ULK4: variants seen among roughly 807,000 people sequenced by gnomAD.
The protein encoded by ULK4 is unc-51 like kinase 4.
Under a neutral mutation model 160.6 loss-of-function variants are expected in ULK4, and 133 were observed. The observed-to-expected ratio is 0.83, with a 90% CI of 0.72 to 0.96. The LOEUF is 0.96. Among genes scored for constraint, ULK4 ranks in the 40% least tolerant of loss-of-function variants. ULK4 has a pLI of 0.00. For synonymous variants in ULK4, 534 were observed against 539.8 expected (o/e 0.99, Z 0.15); for missense variants, 1,580 against 1,499.5 (o/e 1.05, Z -0.89).
intron 31 of ULK4, among the ~76,000 whole-genome samples, chr3:41,594,389 A>C (rs1282266261): frequency 6.6e-6 from 1 of 151,970 alleles, no homozygotes; most frequent in Admixed American, 6.6e-5. Context: ...ACATTTTTTT[A>C]ATTAGCTGGG....
At chr3:41,490,036 C>T (rs1235404970) in intron 32 of ULK4, among the ~76,000 whole-genome samples, 1 of 152,178 alleles carries the variant, frequency 6.6e-6, no homozygotes, top group Non-Finnish European at 1.5e-5. Context: ...GCTATCTTCA[C>T]CCACTCAACC....
At chr3:41,558,879 TATTTA>T (rs1416436733) in intron 32 of ULK4, among the ~76,000 whole-genome samples, 4 of 151,442 alleles carry the variant, frequency 2.6e-5, no homozygotes, top group African/African-American at 9.7e-5. Context: ...TTTATTTATT[TATTTA>T]TTTTATTACA....
chr3:41,291,165 A>G (rs536350608), intron 35 of ULK4, among the ~76,000 whole-genome samples: 1 of 152,148 alleles, frequency 6.6e-6, no homozygotes, highest in East Asian at 1.9e-4. Context: ...CCTGTCTTCA[A>G]TTCCTTCCTG....
chr3:41,438,176 T>A (rs1027886873), intron 34 of ULK4, among the ~76,000 whole-genome samples: 2 of 151,662 alleles, frequency 1.3e-5, no homozygotes, highest in African/African-American at 2.4e-5. Flanking sequence ...AAAATAATTA[T>A]CGAGAAATAC....
intron 32 of ULK4, among the ~76,000 whole-genome samples, chr3:41,472,338 G>A (rs946228444): frequency 6.6e-6 from 1 of 152,092 alleles, no homozygotes; most frequent in African/African-American, 2.4e-5. Flanking sequence ...GGAGGCCAAG[G>A]CAGGCAGATG....
At chr3:41,305,965 G>A (rs1370816317) in intron 35 of ULK4, among the ~76,000 whole-genome samples, 2 of 147,122 alleles carry the variant, frequency 1.4e-5, no homozygotes, top group Non-Finnish European at 3.0e-5. Flanking sequence ...TCTGAGAAGT[G>A]AGGAGACCCT....
intron 18 of ULK4, among the ~76,000 whole-genome samples, chr3:41,832,221 A>G (rs1472354810): frequency 6.6e-6 from 1 of 152,162 alleles, no homozygotes; most frequent in African/African-American, 2.4e-5. Context: ...TGACTTTTTA[A>G]TAATTGCCAT....
rs1376502977 is a variant in ULK4, at chr3:41,931,854, AC to A, written c.530del (p.Ser177IlefsTer15). 2 of 1,613,988 alleles carry A rather than the reference AC, an allele frequency of 1.2e-6. No homozygotes were observed. The highest frequency in any genetic ancestry group is 3.3e-5 in the Admixed American group (2 of 60,004). On this transcript the variant is annotated frameshift_variant, in exon 5 of 37. Coordinates refer to ENST00000301831, the MANE Select transcript of ULK4 (RefSeq NM_017886.4). LOFTEE classifies it high-confidence loss of function. ...GENVLKKSMK[S>X]RVKGSPVYTA... ...TCCAGGTCCACATACCTTTGACTCT[AC>A]TTTTCATGCTTTTCTTCAGGACATT...
Position 41,890,689 on chromosome 3 carries a change from GAAAGA to G in ULK4, c.1577+4824_1577+4828del, listed in dbSNP as rs888738023. On this transcript the variant is annotated intron_variant, in intron 16 of 36. Coordinates refer to ENST00000301831, the MANE Select transcript of ULK4 (RefSeq NM_017886.4). Reference sequence around the variant, plus strand: ...GCAAGACTCTGTCTCAAAATAAACAGAAAGAAAAGAAGGGAAGGAAGGGACAGGAG... The same window carrying G: ...GCAAGACTCTGTCTCAAAATAAACAGAAAGAAGGGAAGGAAGGGACAGGAG... 2.7e-4 allele frequency among the ~76,000 whole-genome samples: 31 copies of G among 116,532 alleles called. No homozygotes were observed. In the Middle Eastern group the frequency reaches 0.022, roughly 82 times the overall value. 76.4% of individuals were successfully genotyped at this position (116,532 alleles called of 152,430 possible).
chr3:41,949,315 G>GAC (rs150637849), intron 2 of ULK4, among the ~76,000 whole-genome samples: 5,231 of 142,058 alleles, frequency 0.037, 265 homozygotes, highest in African/African-American at 0.12. Flanking sequence ...CACACACACA[G>GAC]ACACACACAC....
intron 35 of ULK4, among the ~76,000 whole-genome samples, chr3:41,341,375 G>A (rs1453464506): frequency 1.3e-5 from 2 of 152,152 alleles, no homozygotes; most frequent in African/African-American, 2.4e-5. Context: ...GGTGGATAAA[G>A]ATACTTCCTA....
At chr3:41,897,583 TAACTC>T (rs564585182) in intron 14 of ULK4, among the ~76,000 whole-genome samples, 71 of 152,270 alleles carry the variant, frequency 4.7e-4, no homozygotes, top group African/African-American at 1.6e-3. Context: ...ATCTCCTAAA[TAACTC>T]AAAGAAGAAA....
At chr3:41,292,226 A>G (rs1032804340) in intron 35 of ULK4, among the ~76,000 whole-genome samples, 1 of 152,214 alleles carries the variant, frequency 6.6e-6, no homozygotes, top group African/African-American at 2.4e-5. Context: ...TTCTAAGTGG[A>G]AGGTGGAGAT....
chr3:41,400,333 T>A (rs983903453), intron 34 of ULK4, among the ~76,000 whole-genome samples: 1 of 151,750 alleles, frequency 6.6e-6, no homozygotes, highest in Non-Finnish European at 1.5e-5. Context: ...ATCACAAGGA[T>A]CCCATTATAG....
chr3:41,575,867 CCA>C (rs1197885312), intron 31 of ULK4, among the ~76,000 whole-genome samples: 154 of 3,478 alleles, frequency 0.044, 1 homozygote, highest in Middle Eastern at 0.42. Context: ...CAGGAAGCTT[CCA>C]TCCATCCTCT....
chr3:41,250,459 C>A (rs958427350), intron 35 of ULK4, among the ~76,000 whole-genome samples: 19 of 152,158 alleles, frequency 1.2e-4, no homozygotes, highest in African/African-American at 4.3e-4. Context: ...AAGTATATAT[C>A]ATGTTTTATT....
chr3:41,696,502 A>G (rs919024530), intron 27 of ULK4, among the ~76,000 whole-genome samples: 3 of 151,894 alleles, frequency 2.0e-5, no homozygotes, highest in Admixed American at 6.6e-5. Context: ...TTTGTATCCA[A>G]TAAATAACAG....
At chr3:41,425,279 T>G (rs543915251) in intron 34 of ULK4, among the ~76,000 whole-genome samples, 1 of 152,006 alleles carries the variant, frequency 6.6e-6, no homozygotes, top group East Asian at 1.9e-4. Context: ...AAAAAACCTC[T>G]GAGAACTATG....
intron 32 of ULK4, among the ~76,000 whole-genome samples, chr3:41,532,873 T>C (rs971721176): frequency 2.0e-5 from 3 of 152,230 alleles, no homozygotes; most frequent in Admixed American, 1.3e-4. Flanking sequence ...AGATTAAAGA[T>C]GGCCACAAAT....
Sources: allele counts gnomAD v4.1 joint callset (sites outside exome capture counted in the v4.1 genomes callset), GRCh38; gene constraint gnomAD v4.1.1; transcripts MANE v1.5; gene names NCBI Gene and HGNC (gene_info 2026-07-23, HGNC 2026-07-21).